The following ATP8A2 variants were observed in gnomAD, a reference collection of about 807,000 sequenced individuals.
ATP8A2 encodes the protein ATPase phospholipid transporting 8A2.
A neutral mutation model predicts 165.6 loss-of-function variants in ATP8A2; 100 were observed. The ratio of observed to expected loss-of-function variants is 0.60; its 90% CI spans 0.51 to 0.71. The LOEUF (loss-of-function observed/expected upper bound fraction) is 0.71. ATP8A2 is among the 30% of genes least tolerant of loss of function. ATP8A2 has a pLI of 0.00. For missense variants in ATP8A2, 1,227 were observed against 1,479.5 expected (o/e 0.83, Z 2.80); for synonymous variants, 543 against 548.8 (o/e 0.99, Z 0.15).
chr13:25,947,301 T>G (rs1955238216), intron 33 of ATP8A2, among the ~76,000 whole-genome samples: 2 of 152,130 alleles, frequency 1.3e-5, no homozygotes, highest in Admixed American at 1.3e-4. Context: ...CATGTACTCT[T>G]TCTGTTATGT....
intron 33 of ATP8A2, among the ~76,000 whole-genome samples, chr13:25,889,228 G>T (rs1953267244): frequency 9.5e-6 from 1 of 105,556 alleles, no homozygotes; most frequent in Admixed American, 1.2e-4. Context: ...TATTAAATTT[G>T]TTTGCTCATC....
intron 35 of ATP8A2, among the ~76,000 whole-genome samples, chr13:25,971,722 G>A (rs1955917748): frequency 6.6e-6 from 1 of 152,110 alleles, no homozygotes; most frequent in Non-Finnish European, 1.5e-5. Flanking sequence ...GATGCTGACA[G>A]TCACCGGGCC....
At chr13:25,450,194 T>G (rs1421516091) in intron 1 of ATP8A2, among the ~76,000 whole-genome samples, 1 of 152,260 alleles carries the variant, frequency 6.6e-6, no homozygotes, top group Non-Finnish European at 1.5e-5. Flanking sequence ...ATGGTATATA[T>G]GTACCACATT....
intron 33 of ATP8A2, among the ~76,000 whole-genome samples, chr13:25,930,152 G>A (rs996430022): frequency 2.0e-4 from 30 of 152,014 alleles, no homozygotes; most frequent in Non-Finnish European, 4.3e-4. Context: ...ATTTAATGCT[G>A]TTCTCCTCTC....
intron 4 of ATP8A2, among the ~76,000 whole-genome samples, chr13:25,531,471 T>C (rs956562502): frequency 2.1e-5 from 3 of 144,974 alleles, no homozygotes; most frequent in African/African-American, 7.6e-5. Flanking sequence ...ATATATGTTA[T>C]ATATATATGT....
chr13:25,993,870 C>CA (rs1296257513), intron 35 of ATP8A2, among the ~76,000 whole-genome samples: 1 of 152,146 alleles, frequency 6.6e-6, no homozygotes, highest in South Asian at 2.1e-4. Context: ...TCTGTAACGA[C>CA]AAAAAATGGT....
chr13:25,454,975 G>A (rs1593330762), intron 1 of ATP8A2, among the ~76,000 whole-genome samples: 1 of 152,180 alleles, frequency 6.6e-6, no homozygotes, highest in East Asian at 1.9e-4. Flanking sequence ...AATTTTAAGA[G>A]ATACTCTGGT....
At chr13:25,782,833 G>A (rs1202465834) in intron 27 of ATP8A2, among the ~76,000 whole-genome samples, 4 of 152,068 alleles carry the variant, frequency 2.6e-5, no homozygotes, top group African/African-American at 9.7e-5. Context: ...CCCGCCTCCT[G>A]GGTTCACTTG....
chr13:25,905,791 CT>C (rs1209403437), intron 33 of ATP8A2, among the ~76,000 whole-genome samples: 1 of 152,234 alleles, frequency 6.6e-6, no homozygotes, highest in Admixed American at 6.5e-5. Flanking sequence ...CCTGGGGCCC[CT>C]TCCTGCCTCT....
intron 13 of ATP8A2, among the ~76,000 whole-genome samples, chr13:25,557,134 T>G (rs374092194): frequency 6.6e-6 from 1 of 152,242 alleles, no homozygotes; most frequent in Non-Finnish European, 1.5e-5. Context: ...TTCTTTGATA[T>G]AATTTTCCAA....
rs368233331 is a variant in ATP8A2 at position 25,770,999 on chromosome 13, G to A, written c.2568+1770G>A. 7.2e-5 allele frequency among the ~76,000 whole-genome samples: 11 copies of A among 152,196 alleles called. No homozygotes were observed. In the East Asian group the frequency reaches 2.1e-3, roughly 29 times the overall value. ...GGGGCTCCACCTCTCCAAAGCGGGG[G>A]CTCTGTGTTAGATCACCTCTCAGGT... On this transcript the variant is annotated intron_variant, in intron 26 of 36. Transcript: ENST00000381655.
At position 25,382,265 on chromosome 13, in the gene ATP8A2, A is replaced by G. The variant is rs145591239; in HGVS notation, c.76+9977A>G. Among the ~76,000 whole-genome samples, 189 of 152,332 alleles carry G rather than the reference A, an allele frequency of 1.2e-3. 3 individuals carry two copies. The South Asian group carries it at 0.013, about 11-fold the overall frequency. ...CCCCCATGTCATTTCATGGCTTGAT[A>G]GCTCATTTCTTTTTATCCTTGAATA... is the stretch of plus-strand genomic sequence containing the variant. On this transcript the variant is annotated intron_variant, in intron 1 of 36. Coordinates refer to ENST00000381655, the MANE Select transcript of ATP8A2 (RefSeq NM_016529.6).
At chr13:25,776,460 C>T (rs912607381) in intron 27 of ATP8A2, among the ~76,000 whole-genome samples, 1 of 152,150 alleles carries the variant, frequency 6.6e-6, no homozygotes, top group African/African-American at 2.4e-5. Flanking sequence ...AGGTTAAAAT[C>T]AATAATTTAA....
At chr13:26,014,301 A>G (rs1443066936) in intron 36 of ATP8A2, among the ~76,000 whole-genome samples, 1 of 152,374 alleles carries the variant, frequency 6.6e-6, no homozygotes. Context: ...CACTGAAACA[A>G]CAATTATAGC....
rs1566121117 is a variant in ATP8A2, at chr13:25,770,357, TA to T, written c.2568+1131del. On this transcript the variant is annotated intron_variant, in intron 26 of 36. Coordinates refer to ENST00000381655, the MANE Select transcript of ATP8A2 (RefSeq NM_016529.6). ...GATCAGCTGGCACCACTCAGATCAA[TA>T]AACTGGCTCATCTAATCTTGTGGCT... Among the ~76,000 whole-genome samples the T allele has an allele frequency of 6.6e-5, 10 of 152,160 alleles. No individual in the cohort carries two copies. The South Asian group carries it at 1.9e-3, about 28-fold the overall frequency.
intron 33 of ATP8A2, among the ~76,000 whole-genome samples, chr13:25,906,831 A>C (rs79481292): frequency 8.7e-4 from 132 of 152,160 alleles, no homozygotes; most frequent in African/African-American, 3.1e-3. Context: ...CTGGTGATCA[A>C]CTCTGTACTT....
intron 24 of ATP8A2, among the ~76,000 whole-genome samples, chr13:25,659,435 G>A (rs957490286): frequency 1.3e-5 from 2 of 152,150 alleles, no homozygotes; most frequent in Non-Finnish European, 2.9e-5. Flanking sequence ...TCTGAGCTGG[G>A]GGAACGTTGG....
chr13:25,577,718 GAGTCTTACTTAT>G (rs2039658517), intron 20 of ATP8A2, among the ~76,000 whole-genome samples: 1 of 152,118 alleles, frequency 6.6e-6, no homozygotes, highest in South Asian at 2.1e-4. Flanking sequence ...TATTGCTTAT[GAGTCTTACTTAT>G]AGAACTAGAT....
At chr13:25,916,250 GGCCAGGCCCTCTGC>G (rs1485650468) in intron 33 of ATP8A2, among the ~76,000 whole-genome samples, 1 of 152,206 alleles carries the variant, frequency 6.6e-6, no homozygotes, top group East Asian at 1.9e-4. Context: ...GCTGGTCTGT[GGCCAGGCCCTCTGC>G]GCCACTCAGC....
Sources: allele counts gnomAD v4.1 joint callset (sites outside exome capture counted in the v4.1 genomes callset), GRCh38; gene constraint gnomAD v4.1.1; transcripts MANE v1.5; gene names NCBI Gene and HGNC (gene_info 2026-07-23, HGNC 2026-07-21).